The following MYRFL variants were observed in gnomAD, a reference collection of about 807,000 sequenced individuals.
The protein encoded by MYRFL is myelin regulatory factor like, also known as myelin regulatory factor-like protein.
In MYRFL, 88 loss-of-function variants were observed where a neutral mutation model predicts 109.4. The ratio of observed to expected loss-of-function variants is 0.80; its 90% CI spans 0.68 to 0.96. The LOEUF (loss-of-function observed/expected upper bound fraction) is 0.96, where lower values mean the gene tolerates loss of function less well. MYRFL is among the 40% of genes least tolerant of loss of function. MYRFL has a pLI of 0.00. For missense variants in MYRFL, 957 were observed against 954.9 expected, an observed-to-expected ratio of 1.00 and a Z score of -0.03; for synonymous variants, 324 against 320.9, an observed-to-expected ratio of 1.01 and a Z score of -0.10.
At chr12:69,945,001 A>G (rs1955788815) in intron 19 of MYRFL, among the ~76,000 whole-genome samples, 1 of 152,186 alleles carries the variant, frequency 6.6e-6, no homozygotes, top group Non-Finnish European at 1.5e-5. Context: ...CGAAAATAAA[A>G]TAGATATTTA....
Position 69,897,206 on chromosome 12 carries a change from A to C in MYRFL, c.1142A>C (p.Tyr381Ser). ...GLYAANQDQF[Y>S]LLSAHISERI... ...TATGCTGCTAACCAAGACCAGTTCT[A>C]TCTGTTGTCTGCCCACATCTCTGAA... The change falls in exon 10 of 25, where the codon TAT becomes TCT. Residue 381 changes from tyrosine (Y) to serine (S), a missense_variant. Transcript: ENST00000552032. 1 of 1,535,830 alleles carries C rather than the reference A, an allele frequency of 6.5e-7. No individual in the cohort carries two copies. Among genetic ancestry groups the C allele is most frequent in the Non-Finnish European group, 8.7e-7 (1 of 1,146,674 alleles).
At chr12:69,943,602 C>A (rs559403504) in intron 19 of MYRFL, among the ~76,000 whole-genome samples, 5,116 of 151,518 alleles carry the variant, frequency 0.034, 246 homozygotes, top group African/African-American at 0.12. Flanking sequence ...CTAGGCATTG[C>A]CATTCAGGAC....
In MYRFL at chr12:69,952,153, C is replaced by A; in HGVS notation, c.2265C>A (p.Ser755Arg). ...CAGTTTTGGCAAGAAATGCACTCAG[C>A]GGCCCTGACTGGGAGAGTGACTGTA... is the stretch of plus-strand genomic sequence containing the variant. ...SKSVLARNAL[S>R]GPDWESDWID... is the part of the protein sequence containing the mutation. The change falls in exon 20 of 25, where the codon AGC becomes AGA. Residue 755 changes from serine to arginine, a missense_variant. Transcript: ENST00000552032. The A allele has an allele frequency of 6.5e-7, 1 of 1,536,012 alleles. No individual in the cohort carries two copies.
intron 1 of MYRFL, among the ~76,000 whole-genome samples, chr12:69,827,637 A>G (rs1882367390): frequency 6.6e-6 from 1 of 152,154 alleles, no homozygotes; most frequent in African/African-American, 2.4e-5. Context: ...TATTTATAAT[A>G]ACTAAAAATT....
intron 1 of MYRFL, among the ~76,000 whole-genome samples, chr12:69,829,540 TA>T (rs1212101175): frequency 3.9e-5 from 6 of 152,088 alleles, no homozygotes; most frequent in Non-Finnish European, 8.8e-5. Flanking sequence ...TATTGGCATA[TA>T]GTAGGCACTT....
intron 1 of MYRFL, among the ~76,000 whole-genome samples, chr12:69,839,349 C>A (rs1003847681): frequency 6.6e-6 from 1 of 152,064 alleles, no homozygotes; most frequent in Non-Finnish European, 1.5e-5. Context: ...TCTTTGCAAC[C>A]CCTTCTACTA....
intron 16 of MYRFL, among the ~76,000 whole-genome samples, chr12:69,933,505 G>T (rs1233404165): frequency 6.6e-6 from 1 of 152,180 alleles, no homozygotes; most frequent in African/African-American, 2.4e-5. Flanking sequence ...CAGGGGCAAA[G>T]CAAGCTGTGG....
At chr12:69,831,065 GCTAA>G (rs1250855914) in intron 1 of MYRFL, among the ~76,000 whole-genome samples, 2 of 152,130 alleles carry the variant, frequency 1.3e-5, no homozygotes, top group South Asian at 2.1e-4. Context: ...ACTATTTAGT[GCTAA>G]CTGTGTTCAG....
intron 16 of MYRFL, 141 bp downstream of exon 16, chr12:69,932,739 T>A (rs561460413): frequency 1.6e-6 from 1 of 623,298 alleles, no homozygotes; most frequent in Non-Finnish European, 2.8e-6. Flanking sequence ...TCTGATAGCA[T>A]AGAAATGAGG....
At chr12:69,898,479 G>A (rs545340181) in intron 10 of MYRFL, among the ~76,000 whole-genome samples, 1 of 152,286 alleles carries the variant, frequency 6.6e-6, no homozygotes, top group South Asian at 2.1e-4. Context: ...CCCTCTCCTT[G>A]CGTCATAAGC....
At chr12:69,835,630 A>G (rs1255020457) in intron 1 of MYRFL, among the ~76,000 whole-genome samples, 2 of 152,220 alleles carry the variant, frequency 1.3e-5, no homozygotes, top group Admixed American at 6.5e-5. Context: ...AGAGAAGACA[A>G]TGATCCTCTT....
chr12:69,864,703 G>A (rs1244536943), intron 2 of MYRFL, among the ~76,000 whole-genome samples: 2 of 149,794 alleles, frequency 1.3e-5, no homozygotes, highest in Non-Finnish European at 3.0e-5. Context: ...CTAGTAGGTT[G>A]CCAAATGTCT....
At chr12:69,880,329 C>A in intron 5 of MYRFL, 37 bp downstream of exon 5, 1 of 696,734 alleles carries the variant, frequency 1.4e-6, no homozygotes, top group South Asian at 1.5e-5. Context: ...GCGATGCCAT[C>A]AAAGCCTTGG....
intron 10 of MYRFL, among the ~76,000 whole-genome samples, chr12:69,902,314 C>T (rs1459298795): frequency 2.0e-5 from 3 of 152,168 alleles, no homozygotes; most frequent in Admixed American, 2.0e-4. Context: ...TAAACCCAAA[C>T]TAAGAAATAA....
rs190149594 is a variant in MYRFL at position 69,834,438 on chromosome 12, T to C, written c.46+8875T>C. Among the ~76,000 whole-genome samples the C allele has an allele frequency of 3.1e-3, 466 of 152,348 alleles. 1 individual carries two copies. The highest frequency in any genetic ancestry group is 4.4e-3 in the Non-Finnish European group (301 of 68,034). ...GGTGTATGCCTTGTTTCAGGCACACTTGGCTTTGAATCCTGGTTTCTTTGC... is the reference window on the plus strand; with the variant it reads ...GGTGTATGCCTTGTTTCAGGCACACCTGGCTTTGAATCCTGGTTTCTTTGC... On this transcript the variant is annotated intron_variant, in intron 1 of 24. Coordinates refer to ENST00000552032, the MANE Select transcript of MYRFL (RefSeq NM_182530.3).
intron 1 of MYRFL, among the ~76,000 whole-genome samples, chr12:69,844,649 A>G (rs1228040817): frequency 3.9e-5 from 6 of 152,168 alleles, no homozygotes; most frequent in Admixed American, 2.0e-4. Flanking sequence ...GTCACTTACA[A>G]GCTGTGTGAC....
intron 14 of MYRFL, among the ~76,000 whole-genome samples, chr12:69,927,030 C>T (rs1406213953): frequency 1.4e-5 from 2 of 138,012 alleles, no homozygotes; most frequent in Non-Finnish European, 3.0e-5. Flanking sequence ...CTGCAGCCTC[C>T]TTCTCCCAGA....
intron 1 of MYRFL, among the ~76,000 whole-genome samples, chr12:69,852,939 G>A (rs1254185240): frequency 6.6e-6 from 1 of 152,176 alleles, no homozygotes; most frequent in Non-Finnish European, 1.5e-5. Flanking sequence ...CAAGGCAGAA[G>A]AATTTTTCTT....
Position 69,880,308 on chromosome 12 carries a change from T to C in MYRFL, c.556+16T>C, listed in dbSNP as rs1182031146. Reference sequence around the variant, plus strand: ...TGCAGACCGAGTGAGCAAACCTGGGTGGGAACAAGGGCGATGCCATCAAAG... The same window carrying C: ...TGCAGACCGAGTGAGCAAACCTGGGCGGGAACAAGGGCGATGCCATCAAAG... On this transcript the variant is annotated intron_variant, in intron 5 of 24. Coordinates refer to ENST00000552032, the MANE Select transcript of MYRFL (RefSeq NM_182530.3). 4.3e-6 allele frequency: 3 copies of C among 702,186 alleles called. No homozygotes were observed. The highest frequency in any genetic ancestry group is 7.8e-6 in the Non-Finnish European group (3 of 384,634). The allele number at this position is 702,186 out of a possible 1,614,324, so 43.5% of individuals were successfully genotyped here.
Sources: gnomAD v4.1 joint callset for allele counts (sites outside exome capture counted in the v4.1 genomes callset) on GRCh38, gnomAD v4.1.1 for gene constraint, MANE v1.5 for transcripts, NCBI Gene and HGNC (gene_info 2026-07-23, HGNC 2026-07-21) for gene names.